The following CNBD1 variants were observed in gnomAD, a reference collection of about 807,000 sequenced individuals.
The protein encoded by CNBD1 is cyclic nucleotide binding domain containing 1, also known as cyclic nucleotide-binding domain-containing protein 1.
CNBD1 carries 71 observed loss-of-function variants against 54.4 expected under a neutral mutation model. The observed-to-expected ratio is 1.30, with a 90% confidence interval of 1.08 to 1.59. The LOEUF (loss-of-function observed/expected upper bound fraction) is 1.59, where lower values mean the gene tolerates loss of function less well. Among genes scored for constraint, CNBD1 ranks in the 40% most tolerant of loss-of-function variants. The pLI is 0.00. For synonymous variants in CNBD1, 182 were observed against 170.7 expected (o/e 1.07, Z -0.51); for missense variants, 659 against 518.0 (o/e 1.27, Z -2.64).
intron 4 of CNBD1, among the ~76,000 whole-genome samples, chr8:87,053,685 C>T (rs1490863048): frequency 6.6e-6 from 1 of 152,170 alleles, no homozygotes; most frequent in Non-Finnish European, 1.5e-5. Context: ...GTCCCTAGCT[C>T]TCTGCTGGTG....
chr8:87,337,709 G>T (rs553943636), intron 8 of CNBD1, among the ~76,000 whole-genome samples: 5 of 152,350 alleles, frequency 3.3e-5, no homozygotes, highest in East Asian at 1.9e-4. Flanking sequence ...TTGGCTGGGG[G>T]TGGGGGCTCT....
intron 1 of CNBD1, among the ~76,000 whole-genome samples, chr8:86,887,108 A>G (rs1808691405): frequency 6.6e-6 from 1 of 152,190 alleles, no homozygotes; most frequent in South Asian, 2.1e-4. Flanking sequence ...GTAGGATTGA[A>G]TAGGCCGACA....
At chr8:87,363,968 GT>G (rs34647090) in intron 10 of CNBD1, among the ~76,000 whole-genome samples, 56,173 of 144,542 alleles carry the variant, frequency 0.39, 10,759 homozygotes, top group Middle Eastern at 0.46. Flanking sequence ...GGAAATTTTG[GT>G]TTTTTTTTTT....
intron 6 of CNBD1, among the ~76,000 whole-genome samples, chr8:87,273,488 A>C (rs896011683): frequency 6.6e-6 from 1 of 152,012 alleles, no homozygotes; most frequent in Non-Finnish European, 1.5e-5. Flanking sequence ...AACCAATGCA[A>C]ATAGGAGTAC....
intron 10 of CNBD1, among the ~76,000 whole-genome samples, chr8:87,363,054 C>T (rs1392010463): frequency 2.0e-5 from 3 of 151,970 alleles, no homozygotes; most frequent in African/African-American, 7.2e-5. Context: ...CTCCCTGTGT[C>T]CATGTGTTCT....
chr8:86,880,275 T>A (rs1050834588), intron 1 of CNBD1, among the ~76,000 whole-genome samples: 10 of 152,258 alleles, frequency 6.6e-5, no homozygotes, highest in African/African-American at 2.4e-4. Context: ...ACACAGTCAG[T>A]CTTTTGTTTC....
At chr8:87,157,659 GA>G (rs1371763835) in intron 4 of CNBD1, among the ~76,000 whole-genome samples, 1 of 152,128 alleles carries the variant, frequency 6.6e-6, no homozygotes, top group Non-Finnish European at 1.5e-5. Context: ...TTTGCCTGGG[GA>G]TTTCCCAGGG....
At chr8:87,333,898 G>A (rs1295942998) in intron 8 of CNBD1, among the ~76,000 whole-genome samples, 3 of 152,164 alleles carry the variant, frequency 2.0e-5, no homozygotes, top group Non-Finnish European at 2.9e-5. Context: ...GAGTTAGGGA[G>A]GAGTCCCTCC....
chr8:87,378,952 G>C (rs1160484219), intron 10 of CNBD1, among the ~76,000 whole-genome samples: 1 of 149,126 alleles, frequency 6.7e-6, no homozygotes. Flanking sequence ...TTGGCTCTCT[G>C]TTTGTCTGTT....
Position 87,224,532 on chromosome 8 carries a change from T to C in CNBD1, c.578-12387T>C, listed in dbSNP as rs1402775728. On this transcript the variant is annotated intron_variant, in intron 5 of 10. Transcript: ENST00000518476. The stretch of plus-strand genomic sequence containing the variant: ...CCCCATTGCTTGTTTTTCTCAGGTT[T>C]GTCAAAGATCAGATAGTTGTAGATG... 3.0e-4 allele frequency among the ~76,000 whole-genome samples: 45 copies of C among 151,338 alleles called. 1 individual carries two copies. The East Asian group carries it at 8.7e-3, about 29-fold the overall frequency.
At chr8:87,427,967 A>G (rs541494315) in intron 2 of CNBD1, among the ~76,000 whole-genome samples, 6 of 152,128 alleles carry the variant, frequency 3.9e-5, no homozygotes, top group South Asian at 2.1e-4. Flanking sequence ...TCTAAATCCT[A>G]TTGGTTTGGT....
At chr8:87,245,157 T>G (rs1265622924) in intron 6 of CNBD1, among the ~76,000 whole-genome samples, 3 of 152,030 alleles carry the variant, frequency 2.0e-5, no homozygotes, top group African/African-American at 7.2e-5. Context: ...TCACAACATG[T>G]AGTTGCCTTT....
chr8:87,099,034 CAAAAAAAA>C (rs11402011), intron 4 of CNBD1, among the ~76,000 whole-genome samples: 9 of 23,036 alleles, frequency 3.9e-4, no homozygotes, highest in South Asian at 2.3e-3. Context: ...GACTGTGTCT[CAAAAAAAA>C]AAAAAAAAAA....
rs189035075 is a variant in CNBD1 at position 87,306,428 on chromosome 8, C to T, written c.1042+19757C>T. Among the ~76,000 whole-genome samples, 667 of 152,156 alleles carry T rather than the reference C, an allele frequency of 4.4e-3. 6 individuals carry two copies. The highest frequency in any genetic ancestry group is 0.014 in the African/African-American group (564 of 41,514). On this transcript the variant is annotated intron_variant, in intron 8 of 10. Coordinates refer to ENST00000518476, the MANE Select transcript of CNBD1 (RefSeq NM_173538.3). ...ACTCAGAAGAAAATAAGTTATTATT[C>T]GAAAAAGATATTTGCACACGCATGT...
At chr8:86,975,639 C>T (rs1037381579) in intron 4 of CNBD1, among the ~76,000 whole-genome samples, 26 of 151,912 alleles carry the variant, frequency 1.7e-4, no homozygotes, top group African/African-American at 6.3e-4. Flanking sequence ...TTGATGAGCA[C>T]TTCAGTTGTT....
chr8:87,281,135 T>C (rs911240097), intron 6 of CNBD1, among the ~76,000 whole-genome samples: 2 of 151,696 alleles, frequency 1.3e-5, no homozygotes, highest in Admixed American at 6.6e-5. Context: ...TCATCTGCTG[T>C]ATATCATTTA....
chr8:87,088,016 C>A (rs1811136439), intron 4 of CNBD1, among the ~76,000 whole-genome samples: 1 of 152,152 alleles, frequency 6.6e-6, no homozygotes, highest in Non-Finnish European at 1.5e-5. Context: ...CTTATATGCA[C>A]ATAAAGTCAT....
chr8:87,321,537 T>C (rs942870279), intron 8 of CNBD1, among the ~76,000 whole-genome samples: 8 of 152,086 alleles, frequency 5.3e-5, no homozygotes, highest in Non-Finnish European at 8.8e-5. Context: ...TTTTAAAGGG[T>C]TTTTTGATTT....
chr8:86,940,554 C>A lies in CNBD1; in HGVS notation c.431+800C>A, dbSNP rs573312524. On this transcript the variant is annotated intron_variant, in intron 4 of 10. Transcript: ENST00000518476. The stretch of plus-strand genomic sequence containing the variant: ...AGGGGTGTGGAGGAGAAGATTAAAT[C>A]TGAGTGTAGGCTGATTACCAAAGAT... Among the ~76,000 whole-genome samples the A allele has an allele frequency of 7.2e-5, 11 of 152,158 alleles. No individual in the cohort carries two copies. The South Asian group carries it at 2.3e-3, about 32-fold the overall frequency.
Sources: allele counts gnomAD v4.1 joint callset (sites outside exome capture counted in the v4.1 genomes callset), GRCh38; gene constraint gnomAD v4.1.1; transcripts MANE v1.5; gene names NCBI Gene and HGNC (gene_info 2026-07-23, HGNC 2026-07-21).